PHACTR2: variants seen among roughly 807,000 people sequenced by gnomAD.
The protein encoded by PHACTR2 is chromosome 6 open reading frame 56.
Under a neutral mutation model 76.0 loss-of-function variants are expected in PHACTR2, and 30 were observed. The observed-to-expected ratio is 0.39, with a 90% CI of 0.30 to 0.54. PHACTR2 has a LOEUF of 0.54. Among genes scored for constraint, PHACTR2 ranks in the 20% least tolerant of loss-of-function variants. PHACTR2 has a pLI of 0.61. For synonymous variants in PHACTR2, 292 were observed against 292.5 expected, an observed-to-expected ratio of 1.00 and a Z score of 0.02; for missense variants, 696 against 781.1, an observed-to-expected ratio of 0.89 and a Z score of 1.30.
At chr6:143,736,559 T>C (rs1778824054) in intron 2 of PHACTR2, among the ~76,000 whole-genome samples, 1 of 21,630 alleles carries the variant, frequency 4.6e-5, no homozygotes, top group Non-Finnish European at 1.2e-4. Flanking sequence ...TTACAATTTT[T>C]TTTTTTTTTT....
Position 143,775,741 on chromosome 6 carries a change from A to C in PHACTR2, c.1589+1526A>C, listed in dbSNP as rs1775257657. Among the ~76,000 whole-genome samples the C allele has an allele frequency of 6.6e-6, 1 of 152,238 alleles. No individual in the cohort carries two copies. Among genetic ancestry groups the C allele is most frequent in the Non-Finnish European group, 1.5e-5 (1 of 68,040 alleles). ...TAAATCATTGAATAATATTTGCATA[A>C]AATAATAATAGTGTTATCATAGTAA... On this transcript the variant is annotated intron_variant, in intron 8 of 12. Transcript: ENST00000440869. The surrounding 1 kb of genome is among the most constrained non-coding windows in gnomAD (Gnocchi z 4.4).
intron 1 of PHACTR2, among the ~76,000 whole-genome samples, chr6:143,620,435 T>C (rs950015352): frequency 7.0e-6 from 1 of 142,838 alleles, no homozygotes; most frequent in Non-Finnish European, 1.5e-5. Context: ...AATGAAGTTT[T>C]TTTTTTTTGG....
At chr6:143,587,520 C>T (rs1022439611) in intron 1 of PHACTR2, among the ~76,000 whole-genome samples, 3 of 152,106 alleles carry the variant, frequency 2.0e-5, no homozygotes, top group East Asian at 1.9e-4. Context: ...ACACTGCAGC[C>T]GCAAGCACTG....
intron 1 of PHACTR2, among the ~76,000 whole-genome samples, chr6:143,666,015 C>T (rs980408207): frequency 1.3e-5 from 2 of 152,152 alleles, no homozygotes; most frequent in Non-Finnish European, 2.9e-5. Context: ...AATGCTATCC[C>T]TCCCCTAGGC....
rs1285229269 is a variant in PHACTR2, at chr6:143,541,578, G to T, written c.217+4371G>T. Among the ~76,000 whole-genome samples, 10 of 152,270 alleles carry T rather than the reference G, an allele frequency of 6.6e-5. 1 individual carries two copies. The highest frequency in any genetic ancestry group is 6.8e-3 in the Middle Eastern group (2 of 294). On this transcript the variant is annotated intron_variant, in intron 1 of 11. Coordinates refer to the PHACTR2 transcript ENST00000367584. The surrounding 1 kb of genome is among the most constrained non-coding windows in gnomAD (Gnocchi z 5.3). The stretch of plus-strand genomic sequence containing the variant: ...AGTACAATCTCATCTTTTTATTACT[G>T]TGATTCATCTCTTCAGTATCCCTAT...
chr6:143,744,199 C>T (rs1779004383), intron 2 of PHACTR2, among the ~76,000 whole-genome samples: 1 of 152,196 alleles, frequency 6.6e-6, no homozygotes, highest in African/African-American at 2.4e-5. Flanking sequence ...AGGACTGGCC[C>T]AGCCAAGAAT....
upstream of PHACTR2, among the ~76,000 whole-genome samples, chr6:143,675,345 C>A (rs562512511): frequency 7.9e-5 from 12 of 152,196 alleles, no homozygotes; most frequent in South Asian, 2.5e-3. The surrounding 1 kb of genome is among the most constrained non-coding windows in gnomAD (Gnocchi z 4.9). Flanking sequence ...TGATATGATG[C>A]GGCATTATTA....
rs1775433400 is a variant in PHACTR2 at position 143,570,364 on chromosome 6, C to T, written c.217+33157C>T. On this transcript the variant is annotated intron_variant, in intron 1 of 11. Coordinates refer to the PHACTR2 transcript ENST00000367584. This position sits in a 1 kb window ranked among gnomAD's most constrained non-coding sequence, Gnocchi z 4.6. ...TCTTTGTACTCACAGTCATCTTATG[C>T]AGGGTTTGTACTTCGGCTTCTCTCA... Among the ~76,000 whole-genome samples the T allele has an allele frequency of 6.6e-6, 1 of 152,180 alleles. No individual in the cohort carries two copies.
rs1314758958 is a variant in PHACTR2 at position 143,821,426 on chromosome 6, GA to G, written c.1923-2247del. Among the ~76,000 whole-genome samples, 1 of 152,170 alleles carries G rather than the reference GA, an allele frequency of 6.6e-6. No homozygotes were observed. The highest frequency in any genetic ancestry group is 2.4e-5 in the African/African-American group (1 of 41,444). On this transcript the variant is annotated intron_variant, in intron 12 of 12. Coordinates refer to ENST00000440869, the MANE Select transcript of PHACTR2 (RefSeq NM_001100164.2). The surrounding 1 kb of genome is among the most constrained non-coding windows in gnomAD (Gnocchi z 5.2). ...TTGTAATGCTTGTATTCAACACAGT[GA>G]CGTTTAGTAAGTACTATCACGTGCC...
At chr6:143,579,593 A>AT (rs1311323153) in intron 1 of PHACTR2, among the ~76,000 whole-genome samples, 1 of 152,152 alleles carries the variant, frequency 6.6e-6, no homozygotes, top group Non-Finnish European at 1.5e-5. Flanking sequence ...ATAAGGCACC[A>AT]TCTCAGAGAA....
At position 143,829,364 on chromosome 6, in the gene PHACTR2, G is replaced by A. The variant is rs1167203299; in HGVS notation, c.*5675G>A. 1.3e-5 allele frequency: 2 copies of A among 152,016 alleles called. No homozygotes were observed. Among genetic ancestry groups the A allele is most frequent in the Non-Finnish European group, 2.9e-5 (2 of 68,014 alleles). The allele number at this position is 152,016 out of a possible 1,614,324, so 9.4% of individuals were successfully genotyped here. A position where few individuals can be genotyped will look rare whatever the true frequency, so the allele number is the denominator to read the frequency against. On this transcript the variant is annotated 3_prime_UTR_variant, in exon 13 of 13. Coordinates refer to ENST00000440869, the MANE Select transcript of PHACTR2 (RefSeq NM_001100164.2). Reference sequence around the variant, plus strand: ...ATAAATCACCATTAGATTTCACCTGGTTATGCTGCATCCCATAAGTTCCAA... The same window carrying A: ...ATAAATCACCATTAGATTTCACCTGATTATGCTGCATCCCATAAGTTCCAA...
At chr6:143,771,174 G>GTATA (rs748236479) in intron 6 of PHACTR2, among the ~76,000 whole-genome samples, 10 of 68,882 alleles carry the variant, frequency 1.5e-4, no homozygotes, top group African/African-American at 6.3e-4. Flanking sequence ...ATATATATAT[G>GTATA]TATATATATA....
intron 1 of PHACTR2, among the ~76,000 whole-genome samples, chr6:143,575,788 G>C (rs1187167162): frequency 1.3e-5 from 2 of 151,888 alleles, no homozygotes; most frequent in South Asian, 2.1e-4. Flanking sequence ...GTTTTGTTAA[G>C]TAAAAATCCA....
upstream of PHACTR2, among the ~76,000 whole-genome samples, chr6:143,676,966 A>G (rs1777260443): frequency 6.8e-6 from 1 of 146,780 alleles, no homozygotes; most frequent in Admixed American, 6.7e-5. The surrounding 1 kb of genome is among the most constrained non-coding windows in gnomAD (Gnocchi z 4.8). Context: ...AAAATTTTAG[A>G]AAAAAATGAT....
At position 143,695,684 on chromosome 6, in the gene PHACTR2, A is replaced by G. The variant is rs1441955069; in HGVS notation, c.47-16332A>G. ...CTTAGCCAGTCCAGTGGATAACATG[A>G]GTCTCATAATCAAGAATCCTCTGGG... is the stretch of plus-strand genomic sequence containing the variant. On this transcript the variant is annotated intron_variant, in intron 1 of 12. Transcript: ENST00000440869. This position sits in a 1 kb window ranked among gnomAD's most constrained non-coding sequence, Gnocchi z 4.4. Among the ~76,000 whole-genome samples the G allele has an allele frequency of 6.6e-6, 1 of 152,238 alleles. No homozygotes were observed. Among genetic ancestry groups the G allele is most frequent in the African/African-American group, 2.4e-5 (1 of 41,462 alleles).
chr6:143,612,139 C>G (rs1775986494), intron 1 of PHACTR2, among the ~76,000 whole-genome samples: 1 of 152,170 alleles, frequency 6.6e-6, no homozygotes, highest in African/African-American at 2.4e-5. Context: ...ATTCCTGCCT[C>G]CTCTCCCTCC....
chr6:143,576,681 A>C (rs1562240697), intron 1 of PHACTR2, among the ~76,000 whole-genome samples: 1 of 152,124 alleles, frequency 6.6e-6, no homozygotes, highest in African/African-American at 2.4e-5. Flanking sequence ...GTTCGAGACC[A>C]GCCTGGCCAA....
Position 143,755,541 on chromosome 6 carries a change from C to A in PHACTR2, c.454+1629C>A. On this transcript the variant is annotated intron_variant, in intron 4 of 12. Coordinates refer to ENST00000440869, the MANE Select transcript of PHACTR2 (RefSeq NM_001100164.2). The surrounding 1 kb of genome is among the most constrained non-coding windows in gnomAD (Gnocchi z 5.2). Reference sequence around the variant, plus strand: ...GATGTTCTTGAAAGAAGATAGCAGACCTTATGGGTCCATGAATAGTTGAGA... The same window carrying A: ...GATGTTCTTGAAAGAAGATAGCAGAACTTATGGGTCCATGAATAGTTGAGA... The A allele has an allele frequency of 2.9e-6, 1 of 349,646 alleles. No individual in the cohort carries two copies. The highest frequency in any genetic ancestry group is 2.2e-5 in the South Asian group (1 of 45,558). The allele number at this position is 349,646 out of a possible 1,614,324, so 21.7% of individuals were successfully genotyped here.
At chr6:143,790,932 C>T (rs1228122495) in intron 11 of PHACTR2, among the ~76,000 whole-genome samples, 1 of 152,222 alleles carries the variant, frequency 6.6e-6, no homozygotes. Flanking sequence ...CCGCCTCGGC[C>T]TCCCAAAGTG....
Sources: allele counts gnomAD v4.1 joint callset (sites outside exome capture counted in the v4.1 genomes callset), GRCh38; gene constraint gnomAD v4.1.1; non-coding constraint Gnocchi (gnomAD v3.1); transcripts MANE v1.5; gene names NCBI Gene and HGNC (gene_info 2026-07-23, HGNC 2026-07-21).